OIP5: variants seen among roughly 807,000 people sequenced by gnomAD.
The protein encoded by OIP5 is protein Mis18-beta.
In OIP5, 24 loss-of-function variants were observed where a neutral mutation model predicts 20.3. The ratio of observed to expected loss-of-function variants is 1.18; its 90% confidence interval spans 0.86 to 1.66. The LOEUF (loss-of-function observed/expected upper bound fraction) is 1.66, where lower values mean the gene tolerates loss of function less well. Among genes scored for constraint, OIP5 ranks in the 40% most tolerant of loss-of-function variants. OIP5 has a pLI of 0.00. For missense variants in OIP5, 339 were observed against 289.5 expected (o/e 1.17, Z -1.24); for synonymous variants, 143 against 121.3 (o/e 1.18, Z -1.17).
chr15:41,328,808 C>A (rs1283854027), intron 2 of OIP5, among the ~76,000 whole-genome samples: 2 of 151,880 alleles, frequency 1.3e-5, no homozygotes, highest in Non-Finnish European at 1.5e-5. Flanking sequence ...ACCTGTAATC[C>A]CAGCACTTTG....
chr15:41,332,408 G>C lies in OIP5; in HGVS notation c.154C>G (p.Pro52Ala). Residue 52 changes from proline to alanine, a missense_variant, in exon 1 of 5, where the codon CCC becomes GCC. Physicochemically the swap from Pro to Ala is conservative, Grantham distance 27. Coordinates refer to ENST00000220514, the MANE Select transcript of OIP5 (RefSeq NM_007280.2). The stretch of plus-strand genomic sequence containing the variant: ...GGCTCCTCAGCCCCCAGCCCTGCGG[G>C]GCCGAGCGGCGAGGACCCCTTCACC... ...QVVKGSSPLG[P>A]AGLGAEEPAA... The C allele has an allele frequency of 1.9e-6, 3 of 1,613,918 alleles. No homozygotes were observed. The highest frequency in any genetic ancestry group is 2.5e-6 in the Non-Finnish European group (3 of 1,179,876).
chr15:41,315,953 C>T (rs2047786409), intron 3 of OIP5, among the ~76,000 whole-genome samples: 1 of 152,034 alleles, frequency 6.6e-6, no homozygotes, highest in Non-Finnish European at 1.5e-5. Context: ...CGGTAAAACC[C>T]CGTCTCTACT....
chr15:41,329,360 G>C (rs116300677), intron 2 of OIP5, among the ~76,000 whole-genome samples: 1,656 of 147,680 alleles, frequency 0.011, 37 homozygotes, highest in African/African-American at 0.04. Flanking sequence ...CTGTCGTCCA[G>C]GCTGGAGTGT....
intron 2 of OIP5, among the ~76,000 whole-genome samples, chr15:41,326,584 C>T (rs1168107239): frequency 2.0e-5 from 3 of 152,192 alleles, no homozygotes; most frequent in Non-Finnish European, 4.4e-5. Flanking sequence ...TGCACCACCA[C>T]GCTTGGCTAA....
At chr15:41,321,376 G>A (rs1267947001) in intron 2 of OIP5, among the ~76,000 whole-genome samples, 1 of 151,180 alleles carries the variant, frequency 6.6e-6, no homozygotes, top group Non-Finnish European at 1.5e-5. Flanking sequence ...GCCCCTACTG[G>A]GAAGTGAGGA....
At chr15:41,312,919 C>T (rs1048491328) in intron 4 of OIP5, among the ~76,000 whole-genome samples, 1 of 152,174 alleles carries the variant, frequency 6.6e-6, no homozygotes, top group African/African-American at 2.4e-5. Context: ...TGAGCCACCA[C>T]GCCCGGCCAG....
At chr15:41,329,972 C>T (rs138909545) in intron 2 of OIP5, among the ~76,000 whole-genome samples, 28 of 152,130 alleles carry the variant, frequency 1.8e-4, no homozygotes, top group African/African-American at 6.5e-4. Flanking sequence ...GCTGGGATTA[C>T]ATGCATCAGC....
intron 2 of OIP5, among the ~76,000 whole-genome samples, chr15:41,325,022 G>A (rs2047852930): frequency 6.6e-6 from 1 of 152,146 alleles, no homozygotes; most frequent in Non-Finnish European, 1.5e-5. Context: ...TCTTCAATGG[G>A]TGCGGTTTGT....
intron 2 of OIP5, among the ~76,000 whole-genome samples, chr15:41,321,901 A>T: frequency 6.7e-6 from 1 of 148,806 alleles, no homozygotes; most frequent in African/African-American, 2.5e-5. Flanking sequence ...CTCTGCGAGA[A>T]ACACCCAAGA....
chr15:41,329,914 G>T (rs1198362834), intron 2 of OIP5, among the ~76,000 whole-genome samples: 1 of 151,690 alleles, frequency 6.6e-6, no homozygotes, highest in Non-Finnish European at 1.5e-5. Context: ...GGCTAGGCTG[G>T]TCTTGAACTC....
rs1172545305 is a variant in OIP5, at chr15:41,332,267, G to A, written c.295C>T (p.Arg99Trp). The A allele has an allele frequency of 1.4e-5, 22 of 1,555,262 alleles. No homozygotes were observed. Among genetic ancestry groups the A allele is most frequent in the South Asian group, 6.1e-5 (5 of 82,058 alleles). ...GAGAAGACCACGGCCCCGAGGGACC[G>A]CGACAGGTCCCAGGCGAGGTGCACC... ...DSVHLAWDLS[R>W]SLGAVVFSRV... Residue 99 changes from arginine to tryptophan, a missense_variant, in exon 1 of 5, where the codon CGG becomes TGG. Transcript: ENST00000220514.
intron 2 of OIP5, 35 bp downstream of exon 2, chr15:41,331,880 A>T: frequency 1.3e-6 from 2 of 1,562,898 alleles, no homozygotes; most frequent in Non-Finnish European, 1.8e-6. Flanking sequence ...TCATAAAGTC[A>T]GGGACTAGAG....
intron 2 of OIP5, among the ~76,000 whole-genome samples, chr15:41,325,510 C>T (rs993599092): frequency 3.3e-5 from 5 of 150,724 alleles, no homozygotes; most frequent in South Asian, 4.2e-4. Context: ...CAGACTTGCT[C>T]AACAAAAGCT....
chr15:41,331,839 C>T (rs1342303949), intron 2 of OIP5, 76 bp downstream of exon 2: 3 of 1,231,014 alleles, frequency 2.4e-6, no homozygotes, highest in East Asian at 4.6e-5. Context: ...CTGTTTTCTC[C>T]TCGTACATGT....
chr15:41,321,398 C>G (rs942201600), intron 2 of OIP5, among the ~76,000 whole-genome samples: 5 of 152,178 alleles, frequency 3.3e-5, no homozygotes, highest in South Asian at 2.1e-4. Context: ...CCCCTCTGCC[C>G]GGCCACCACC....
At position 41,309,667 on chromosome 15, in the gene OIP5, CAATCTTTTTCAAGAAATGACT is replaced by C. The variant is rs2047741588; in HGVS notation, c.*66_*86del. ...TGCATTTCCCCTCCATTCTTGAAGCCAATCTTTTTCAAGAAATGACTAAGCAGCACCTGTTGTTGAAGACAG... is the reference window on the plus strand; with the variant it reads ...TGCATTTCCCCTCCATTCTTGAAGCCAAGCAGCACCTGTTGTTGAAGACAG... On this transcript the variant is annotated 3_prime_UTR_variant, in exon 5 of 5. Coordinates refer to ENST00000220514, the MANE Select transcript of OIP5 (RefSeq NM_007280.2). The C allele has an allele frequency of 4.8e-6, 4 of 830,460 alleles. No homozygotes were observed. The highest frequency in any genetic ancestry group is 7.7e-6 in the Non-Finnish European group (4 of 516,988). The allele number at this position is 830,460 out of a possible 1,614,324, so 51.4% of individuals were successfully genotyped here. A position where few individuals can be genotyped will look rare whatever the true frequency, so the allele number is the denominator to read the frequency against.
At chr15:41,313,198 C>T in intron 4 of OIP5, 75 bp downstream of exon 4, 3 of 876,404 alleles carry the variant, frequency 3.4e-6, no homozygotes, top group South Asian at 2.8e-5. Context: ...ATTTCATCAT[C>T]CCCAAGTTCA....
rs2047769505 is a variant in OIP5 at position 41,313,165 on chromosome 15, A to G, written c.594+108T>C. 3 of 715,726 alleles carry G rather than the reference A, an allele frequency of 4.2e-6. No homozygotes were observed. The African/African-American group carries it at 5.4e-5, about 13-fold the overall frequency. The allele number at this position is 715,726 out of a possible 1,614,324, so 44.3% of individuals were successfully genotyped here. A position where few individuals can be genotyped will look rare whatever the true frequency, so the allele number is the denominator to read the frequency against. On this transcript the variant is annotated intron_variant, in intron 4 of 4. Transcript: ENST00000220514. The stretch of plus-strand genomic sequence containing the variant: ...CAATAGGGAAGGTCAAATCAAGTAA[A>G]AAGGATTATTGAGCATCATGCCATT...
At position 41,316,312 on chromosome 15, in the gene OIP5, T is replaced by TA. The variant is rs529295954; in HGVS notation, c.513-2959dup. ...GGGTGACAGAGTGAGACTCCGTCTT[T>TA]AAAAAAAGAGAATGATCAATCCATC... On this transcript the variant is annotated intron_variant, in intron 3 of 4. Coordinates refer to ENST00000220514, the MANE Select transcript of OIP5 (RefSeq NM_007280.2). 1.9e-4 allele frequency among the ~76,000 whole-genome samples: 28 copies of TA among 151,200 alleles called. No individual in the cohort carries two copies. The East Asian group carries it at 4.9e-3, about 27-fold the overall frequency.
Sources: gnomAD v4.1 joint callset for allele counts (sites outside exome capture counted in the v4.1 genomes callset) on GRCh38, gnomAD v4.1.1 for gene constraint, MANE v1.5 for transcripts, NCBI Gene and HGNC (gene_info 2026-07-23, HGNC 2026-07-21) for gene names.